The following RIF1 variants were observed in gnomAD, a reference collection of about 807,000 sequenced individuals.
The protein encoded by RIF1 is replication timing regulatory factor 1, also known as telomere-associated protein RIF1.
In RIF1, 45 loss-of-function variants were observed where a neutral mutation model predicts 247.1. That is an observed-to-expected ratio of 0.18 (90% CI 0.14 to 0.23). The LOEUF is 0.23. Among genes scored for constraint, RIF1 ranks in the 10% least tolerant of loss-of-function variants. The pLI, the probability that RIF1 is intolerant of heterozygous loss-of-function variation, is 1.00. For synonymous variants in RIF1, 1,087 were observed against 978.8 expected, an observed-to-expected ratio of 1.11 and a Z score of -2.06; for missense variants, 2,967 against 2,862.5, an observed-to-expected ratio of 1.04 and a Z score of -0.83.
At chr2:151,420,735 A>AC (rs1491489288) in intron 7 of RIF1, among the ~76,000 whole-genome samples, 2 of 18,900 alleles carry the variant, frequency 1.1e-4, no homozygotes, top group Admixed American at 3.3e-4. Context: ...ACCCTGTCTC[A>AC]AAAAAAAAAA....
chr2:151,447,589 A>G (rs1693542389), intron 20 of RIF1, among the ~76,000 whole-genome samples: 1 of 152,226 alleles, frequency 6.6e-6, no homozygotes, highest in South Asian at 2.1e-4. Flanking sequence ...TCTGCTGCGC[A>G]GGCTTGAGTG....
chr2:151,503,192 C>A (rs2066030481), intron 12 of RIF1: 1 of 615,588 alleles, frequency 1.6e-6, no homozygotes, highest in Non-Finnish European at 2.8e-6. Context: ...AAATGTGAGT[C>A]ATTTTGTATT....
chr2:151,421,812 G>T (rs1688214056), intron 7 of RIF1, among the ~76,000 whole-genome samples: 1 of 151,882 alleles, frequency 6.6e-6, no homozygotes, highest in South Asian at 2.1e-4. Context: ...TTATTCTGAT[G>T]AATTCAATTT....
In RIF1 at chr2:151,437,247, T is replaced by C; in HGVS notation, c.1379T>C (p.Leu460Ser). 6.2e-7 allele frequency: 1 copy of C among 1,608,648 alleles called. No individual in the cohort carries two copies. Among genetic ancestry groups the C allele is most frequent in the East Asian group, 2.2e-5 (1 of 44,838 alleles). ...QNKLVLSLEP[L>S]EHPLISSPSF... ...TTTTATTCTTCCCTTTCAGAGCCAT[T>C]GGAACATCCGTTAATCAGCAGCCCT... Residue 460 changes from leucine to serine, a missense_variant, in exon 13 of 36, where the codon TTG becomes TCG. By Grantham distance (145) the Leu-to-Ser change is moderately radical (BLOSUM62 -2). This residue lies in a region of RIF1 where 369 missense variants were observed against 322.0 expected (regional missense o/e 1.15). Transcript: ENST00000444746.
At chr2:151,470,241 T>C (rs2152528546) in intron 34 of RIF1, among the ~76,000 whole-genome samples, 1 of 152,190 alleles carries the variant, frequency 6.6e-6, no homozygotes, top group Admixed American at 6.5e-5. Context: ...CATATGAACA[T>C]TTTGGGTCAT....
chr2:151,412,414 G>T (rs565445638), intron 3 of RIF1, among the ~76,000 whole-genome samples: 1 of 152,028 alleles, frequency 6.6e-6, no homozygotes, highest in East Asian at 1.9e-4. Context: ...TTGAACTCCT[G>T]GGTCCAAGCG....
intron 12 of RIF1, among the ~76,000 whole-genome samples, chr2:151,503,880 T>G (rs755046176): frequency 9.2e-5 from 14 of 152,198 alleles, no homozygotes; most frequent in Non-Finnish European, 1.8e-4. Flanking sequence ...GTTTTGTATG[T>G]TCTAATGAAT....
intron 15 of RIF1, among the ~76,000 whole-genome samples, chr2:151,440,489 G>A (rs1295699626): frequency 6.6e-6 from 1 of 151,874 alleles, no homozygotes; most frequent in Non-Finnish European, 1.5e-5. Context: ...TCAATTAACT[G>A]TTTTTAACCA....
chr2:151,490,016 T>G lies in RIF1; in HGVS notation c.*416-5213T>G, dbSNP rs377748897. ...ATGGGATGGAAGATACCGTTGTCTG[T>G]TGGGTAGCAACTGAAGATGATCGTT... On this transcript the variant is annotated intron_variant and NMD_transcript_variant, in intron 9 of 13. Transcript: ENST00000454583. The G allele has an allele frequency of 2.4e-5, 38 of 1,613,452 alleles. No individual in the cohort carries two copies. The African/African-American group carries it at 4.5e-4, about 19-fold the overall frequency.
chr2:151,465,103 T>C lies in RIF1; in HGVS notation c.5583T>C (p.Thr1861=). ...AGTCACCTAATGAAAATTTTAAAAC[T>C]GTTGGCCCGTGTTTAGGAGACTCGA... ...SQESPNENFK[T]VGPCLGDSKN... The change falls in exon 30 of 36, where the codon ACT becomes ACC. Residue 1861 remains threonine (T), a synonymous_variant. Coordinates refer to ENST00000444746, the MANE Select transcript of RIF1 (RefSeq NM_018151.5). 7 of 1,608,240 alleles carry C rather than the reference T, an allele frequency of 4.4e-6. No homozygotes were observed. The highest frequency in any genetic ancestry group is 2.5e-6 in the Non-Finnish European group (3 of 1,178,736).
chr2:151,494,159 A>C (rs1039759571), intron 9 of RIF1: 1 of 1,601,598 alleles, frequency 6.2e-7, no homozygotes, highest in Admixed American at 1.7e-5. Context: ...TCAAGACAAT[A>C]CCGAGCTAAT....
At position 151,463,152 on chromosome 2, in the gene RIF1, C is replaced by G. The variant is rs774408396; in HGVS notation, c.3632C>G (p.Pro1211Arg). ...SVSNTTVAGTPPYPTSRRQTF... is the reference protein window; with the variant it reads ...SVSNTTVAGTRPYPTSRRQTF... ...TCTAATACCACTGTTGCTGGAACTC[C>G]CCCATACCCTACAAGTCGGAGGCAA... The change falls in exon 30 of 36, where the codon CCC (proline) becomes CGC (arginine). Residue 1211 changes from proline to arginine, a missense_variant. By Grantham distance (103) the Pro-to-Arg change is moderately radical (BLOSUM62 -2). Coordinates refer to ENST00000444746, the MANE Select transcript of RIF1 (RefSeq NM_018151.5). 1.7e-5 allele frequency: 28 copies of G among 1,614,082 alleles called. No individual in the cohort carries two copies. The South Asian group carries it at 1.9e-4, about 11-fold the overall frequency.
At chr2:151,518,175 T>C in the RIF1 span, 28 of 688,388 alleles carry the variant, frequency 4.1e-5, no homozygotes, top group African/African-American at 3.7e-4. Context: ...ACATAAGAAT[T>C]TGTTTCAAAA....
the RIF1 span, among the ~76,000 whole-genome samples, chr2:151,517,989 C>T: frequency 6.6e-6 from 1 of 152,082 alleles, no homozygotes; most frequent in African/African-American, 2.4e-5. Context: ...TTCCTGACTC[C>T]CTATAATCTA....
chr2:151,470,878 T>C (rs1257588376), intron 34 of RIF1, among the ~76,000 whole-genome samples: 1 of 152,192 alleles, frequency 6.6e-6, no homozygotes, highest in Non-Finnish European at 1.5e-5. Context: ...CCATGGGTCT[T>C]GGGAAAGTCT....
At chr2:151,451,224 C>T (rs910739833) in intron 20 of RIF1, among the ~76,000 whole-genome samples, 3 of 152,106 alleles carry the variant, frequency 2.0e-5, no homozygotes, top group African/African-American at 4.8e-5. Context: ...TGTGTCTTTT[C>T]GATGCTTAGA....
chr2:151,422,001 T>A (rs1182413047), intron 7 of RIF1, among the ~76,000 whole-genome samples: 1 of 151,874 alleles, frequency 6.6e-6, no homozygotes, highest in African/African-American at 2.4e-5. Flanking sequence ...CCGACCGATA[T>A]TTGTATTTTT....
intron 22 of RIF1, 132 bp from the exon 23 acceptor site, chr2:151,456,446 C>G (rs1310545176): frequency 1.8e-6 from 1 of 545,408 alleles, no homozygotes; most frequent in Non-Finnish European, 3.2e-6. Flanking sequence ...CTTGTTAAGT[C>G]TTTGGGCACC....
At chr2:151,412,225 T>C (rs1686362215) in intron 3 of RIF1, among the ~76,000 whole-genome samples, 1 of 151,748 alleles carries the variant, frequency 6.6e-6, no homozygotes, top group South Asian at 2.1e-4. Context: ...ATTTCCTTGT[T>C]TTTAGAATGA....
Sources: gnomAD v4.1 joint callset for allele counts (sites outside exome capture counted in the v4.1 genomes callset) on GRCh38, gnomAD v4.1.1 for gene constraint, gnomAD v4.1.1 regional missense constraint, MANE v1.5 for transcripts, NCBI Gene and HGNC (gene_info 2026-07-23, HGNC 2026-07-21) for gene names.